The following ATF2 variants were observed in gnomAD, a reference collection of about 807,000 sequenced individuals.
ATF2 encodes cyclic AMP-dependent transcription factor ATF-2.
ATF2 carries 24 observed loss-of-function variants against 60.6 expected under a neutral mutation model. The ratio of observed to expected loss-of-function variants is 0.40; its 90% CI spans 0.29 to 0.56. The LOEUF is 0.56. ATF2 is among the 20% of genes least tolerant of loss of function. The pLI, the probability that ATF2 is intolerant of heterozygous loss-of-function variation, is 0.54. For missense variants in ATF2, 433 were observed against 607.7 expected (o/e 0.71, Z 3.02); for synonymous variants, 206 against 215.4 (o/e 0.96, Z 0.38).
intron 1 of ATF2, among the ~76,000 whole-genome samples, chr2:175,152,118 CAATT>C (rs1185579210): frequency 6.6e-6 from 1 of 152,110 alleles, no homozygotes; most frequent in African/African-American, 2.4e-5. Flanking sequence ...TATTGGCAGA[CAATT>C]AGTTGTTTCT....
intron 11 of ATF2, among the ~76,000 whole-genome samples, chr2:175,094,334 C>T (rs1034210311): frequency 8.0e-5 from 11 of 137,936 alleles, no homozygotes; most frequent in African/African-American, 2.7e-4. Flanking sequence ...GCAGAGGTTG[C>T]AGTGAGTCAA....
intron 10 of ATF2, among the ~76,000 whole-genome samples, chr2:175,108,296 G>C (rs538006049): frequency 2.1e-3 from 315 of 151,788 alleles, no homozygotes; most frequent in African/African-American, 7.0e-3. Flanking sequence ...TCTCCGTCCG[G>C]CAGCCACCCC....
chr2:175,091,368 G>C (rs951749826), intron 12 of ATF2, among the ~76,000 whole-genome samples: 5 of 151,238 alleles, frequency 3.3e-5, no homozygotes, highest in Admixed American at 2.0e-4. Flanking sequence ...TGTTAGTTAA[G>C]AACAGAAAAA....
At chr2:175,134,082 A>G (rs900959822) in intron 3 of ATF2, among the ~76,000 whole-genome samples, 2 of 152,182 alleles carry the variant, frequency 1.3e-5, no homozygotes. Flanking sequence ...TTTTGCATCC[A>G]TGGATTCAAT....
At chr2:175,150,942 T>C (rs946976970) in intron 2 of ATF2, 118 bp downstream of exon 2, 7 of 152,532 alleles carry the variant, frequency 4.6e-5, no homozygotes, top group African/African-American at 1.7e-4. Flanking sequence ...ATCAATACGG[T>C]AGGACTTCAG....
intron 1 of ATF2, among the ~76,000 whole-genome samples, chr2:175,163,470 T>C (rs1700147292): frequency 6.6e-6 from 1 of 152,146 alleles, no homozygotes; most frequent in African/African-American, 2.4e-5. Flanking sequence ...ACTACTACTG[T>C]TGGAAGTATT....
At chr2:175,124,248 T>G (rs1297195880) in intron 4 of ATF2, among the ~76,000 whole-genome samples, 1 of 150,894 alleles carries the variant, frequency 6.6e-6, no homozygotes, top group Non-Finnish European at 1.5e-5. Context: ...GACTAAGACC[T>G]TGAGTATATA....
At position 175,124,706 on chromosome 2, in the gene ATF2, T is replaced by C. The variant is rs1004849476; in HGVS notation, c.103-3166A>G. ...ACACACTCCCACACATACATCTCCATTGTCACTTTAGACTAAATATAAAAT... is the reference window on the plus strand; with the variant it reads ...ACACACTCCCACACATACATCTCCACTGTCACTTTAGACTAAATATAAAAT... On this transcript the variant is annotated intron_variant, in intron 4 of 13. Coordinates refer to ENST00000264110, the MANE Select transcript of ATF2 (RefSeq NM_001880.4). Among the ~76,000 whole-genome samples the C allele has an allele frequency of 2.8e-5, 4 of 140,402 alleles. No individual in the cohort carries two copies. In the East Asian group the frequency reaches 5.8e-4, roughly 20 times the overall value. The allele number at this position is 140,402 out of a possible 152,430, so 92.1% of individuals were successfully genotyped here. A position where few individuals can be genotyped will look rare whatever the true frequency, so the allele number is the denominator to read the frequency against.
At chr2:175,143,134 T>A (rs890277428) in intron 2 of ATF2, among the ~76,000 whole-genome samples, 1 of 152,144 alleles carries the variant, frequency 6.6e-6, no homozygotes, top group Non-Finnish European at 1.5e-5. Flanking sequence ...GCTCCAAGAA[T>A]AATACAGAAG....
At chr2:175,133,804 A>G (rs1023233887) in intron 3 of ATF2, among the ~76,000 whole-genome samples, 3 of 152,212 alleles carry the variant, frequency 2.0e-5, no homozygotes, top group Admixed American at 2.0e-4. Context: ...AACAGGACAC[A>G]AAAGGTCCAT....
chr2:175,162,039 G>A (rs546287530), intron 1 of ATF2, among the ~76,000 whole-genome samples: 25 of 152,306 alleles, frequency 1.6e-4, no homozygotes, highest in African/African-American at 5.5e-4. Context: ...GGGATTACAG[G>A]CATGAGCCAC....
chr2:175,100,188 C>T (rs1695213164), intron 10 of ATF2, among the ~76,000 whole-genome samples: 1 of 152,192 alleles, frequency 6.6e-6, no homozygotes, highest in Non-Finnish European at 1.5e-5. Context: ...CTTTGAGTCT[C>T]AATTTCTTTA....
intron 4 of ATF2, among the ~76,000 whole-genome samples, chr2:175,121,943 T>G (rs986816886): frequency 2.6e-5 from 4 of 151,882 alleles, no homozygotes; most frequent in Admixed American, 1.3e-4. Context: ...TTACCTAGAC[T>G]TAAGGTTACT....
rs773732331 is a variant in ATF2 at position 175,074,580 on chromosome 2, T to A, written c.*29A>T. 3 of 1,590,828 alleles carry A rather than the reference T, an allele frequency of 1.9e-6. No individual in the cohort carries two copies. Among genetic ancestry groups the A allele is most frequent in the Non-Finnish European group, 8.6e-7 (1 of 1,166,856 alleles). On this transcript the variant is annotated 3_prime_UTR_variant, in exon 14 of 14. Transcript: ENST00000264110. ...TTCCCTTTGAAGTCACTAATGAGTATCTAAAACTGTTGTACTGCAGGTTTT... is the reference window on the plus strand; with the variant it reads ...TTCCCTTTGAAGTCACTAATGAGTAACTAAAACTGTTGTACTGCAGGTTTT...
chr2:175,139,396 G>A (rs1223940290), intron 2 of ATF2, among the ~76,000 whole-genome samples: 3 of 152,166 alleles, frequency 2.0e-5, no homozygotes, highest in African/African-American at 7.2e-5. Flanking sequence ...AGATAGCCAG[G>A]CGCAGTGGCT....
chr2:175,119,286 T>C (rs1273653668), intron 5 of ATF2, among the ~76,000 whole-genome samples: 5 of 151,596 alleles, frequency 3.3e-5, no homozygotes, highest in Admixed American at 3.3e-4. Flanking sequence ...TAATATATTT[T>C]AGAGCACCAA....
chr2:175,091,587 G>A (rs1694550227), intron 12 of ATF2, among the ~76,000 whole-genome samples: 1 of 152,164 alleles, frequency 6.6e-6, no homozygotes, highest in South Asian at 2.1e-4. Context: ...TGATGGGCTG[G>A]GCACAGTGGC....
At position 175,136,421 on chromosome 2, in the gene ATF2, T is replaced by A. The variant is rs1444053690; in HGVS notation, c.23A>T (p.Asn8Ile). Residue 8 changes from asparagine to isoleucine, a missense_variant, in exon 3 of 14, where the codon AAT becomes ATT. This residue lies in a region of ATF2 where 20 missense variants were observed against 16.9 expected (regional missense o/e 1.19). Coordinates refer to ENST00000264110, the MANE Select transcript of ATF2 (RefSeq NM_001880.4). MKFKLHV[N>I]SARQYKDLWN... ...AATATTGCACACATACCTGGCAGAA[T>A]TCACATGTAACTTGAATTTCATAAG... is the stretch of plus-strand genomic sequence containing the variant. The A allele has an allele frequency of 6.2e-7, 1 of 1,610,442 alleles. No homozygotes were observed. The highest frequency in any genetic ancestry group is 1.1e-5 in the South Asian group (1 of 90,026).
chr2:175,107,335 G>GT (rs1695740099), intron 10 of ATF2, among the ~76,000 whole-genome samples: 1 of 152,282 alleles, frequency 6.6e-6, no homozygotes, highest in African/African-American at 2.4e-5. Flanking sequence ...TGGTAGGAAT[G>GT]TAAACCTTTG....
Sources: allele counts gnomAD v4.1 joint callset (sites outside exome capture counted in the v4.1 genomes callset), GRCh38; gene constraint gnomAD v4.1.1; regional missense constraint gnomAD v4.1.1; transcripts MANE v1.5; gene names NCBI Gene and HGNC (gene_info 2026-07-23, HGNC 2026-07-21).